The following RBFOX1 variants were observed in gnomAD, a reference collection of about 807,000 sequenced individuals.
RBFOX1 encodes the protein RNA binding protein fox-1 homolog 1.
Under a neutral mutation model 57.7 loss-of-function variants are expected in RBFOX1, and 8 were observed. That is an observed-to-expected ratio of 0.14 (90% CI 0.08 to 0.25). RBFOX1 has a LOEUF of 0.25. Among genes scored for constraint, RBFOX1 ranks in the 10% least tolerant of loss-of-function variants. The pLI is 1.00. For synonymous variants in RBFOX1, 326 were observed against 222.4 expected, an observed-to-expected ratio of 1.47 and a Z score of -4.15; for missense variants, 611 against 548.5, an observed-to-expected ratio of 1.11 and a Z score of -1.14.
At chr16:6,740,795 C>G (rs184638191) in intron 3 of RBFOX1, among the ~76,000 whole-genome samples, 2 of 152,240 alleles carry the variant, frequency 1.3e-5, no homozygotes, top group African/African-American at 2.4e-5. Context: ...CATTTCTGCT[C>G]AAATTGATAC....
intron 3 of RBFOX1, among the ~76,000 whole-genome samples, chr16:5,851,866 C>G (rs990129577): frequency 6.6e-6 from 1 of 152,152 alleles, no homozygotes; most frequent in African/African-American, 2.4e-5. Context: ...AGGACGATGT[C>G]TTGGCCAGGT....
chr16:6,937,287 T>G (rs771431315), intron 3 of RBFOX1, among the ~76,000 whole-genome samples: 1 of 152,168 alleles, frequency 6.6e-6, no homozygotes, highest in Admixed American at 6.5e-5. Context: ...CAACACTGTT[T>G]CCTTTTTACC....
intron 2 of RBFOX1, among the ~76,000 whole-genome samples, chr16:6,502,984 C>A (rs2095981850): frequency 6.6e-6 from 1 of 151,930 alleles, no homozygotes. Flanking sequence ...ATCGACTCAG[C>A]TGAGATATTA....
chr16:7,423,347 T>C (rs2098563284), intron 4 of RBFOX1, among the ~76,000 whole-genome samples: 1 of 151,728 alleles, frequency 6.6e-6, no homozygotes, highest in South Asian at 2.1e-4. Context: ...TGCAAAAATA[T>C]AAAAAGTTGT....
intron 3 of RBFOX1, among the ~76,000 whole-genome samples, chr16:6,976,823 A>G (rs906298962): frequency 6.8e-6 from 1 of 146,764 alleles, no homozygotes; most frequent in African/African-American, 2.5e-5. Context: ...GATCTAGATC[A>G]TATATAATGT....
chr16:7,014,971 G>A (rs1367679852), intron 3 of RBFOX1, among the ~76,000 whole-genome samples: 6 of 152,190 alleles, frequency 3.9e-5, no homozygotes, highest in East Asian at 1.9e-4. Context: ...TGATATACCC[G>A]CCTGGACCTC....
chr16:7,010,790 C>A (rs979900789), intron 3 of RBFOX1, among the ~76,000 whole-genome samples: 7 of 152,116 alleles, frequency 4.6e-5, no homozygotes, highest in African/African-American at 1.7e-4. Context: ...GTCTCAAACT[C>A]CTGGCCTCAA....
At chr16:7,016,706 C>T (rs1279533142) in intron 3 of RBFOX1, among the ~76,000 whole-genome samples, 7 of 152,158 alleles carry the variant, frequency 4.6e-5, no homozygotes, top group Admixed American at 6.5e-5. Flanking sequence ...TGCCTATTCC[C>T]GTATTTTTCT....
At chr16:6,555,886 T>C (rs560660602) in intron 2 of RBFOX1, among the ~76,000 whole-genome samples, 5 of 152,294 alleles carry the variant, frequency 3.3e-5, no homozygotes, top group African/African-American at 9.6e-5. Context: ...TCAATTCTCA[T>C]TAAATATTGG....
intron 12 of RBFOX1, among the ~76,000 whole-genome samples, chr16:7,662,453 T>G (rs745765254): frequency 6.6e-6 from 1 of 152,152 alleles, no homozygotes; most frequent in Non-Finnish European, 1.5e-5. Flanking sequence ...TGACTCAATC[T>G]CCTTCTGACG....
At chr16:5,395,594 G>A (rs1273594853) in intron 1 of RBFOX1, among the ~76,000 whole-genome samples, 1 of 152,146 alleles carries the variant, frequency 6.6e-6, no homozygotes, top group Admixed American at 6.5e-5. Context: ...CGTTCAGGTG[G>A]TCCTTAGGAT....
chr16:5,448,778 G>A (rs1346269132), intron 1 of RBFOX1, among the ~76,000 whole-genome samples: 1 of 152,188 alleles, frequency 6.6e-6, no homozygotes, highest in East Asian at 1.9e-4. Context: ...AGTTTTTTGA[G>A]CACAAATTCG....
At chr16:7,169,246 C>T (rs955354068) in intron 4 of RBFOX1, among the ~76,000 whole-genome samples, 1 of 152,146 alleles carries the variant, frequency 6.6e-6, no homozygotes, top group African/African-American at 2.4e-5. Context: ...ATCATAATAA[C>T]ATATTATTAT....
At chr16:6,884,355 C>T (rs1455349883) in intron 3 of RBFOX1, among the ~76,000 whole-genome samples, 4 of 152,204 alleles carry the variant, frequency 2.6e-5, no homozygotes, top group Non-Finnish European at 4.4e-5. Flanking sequence ...CTTCCAAAGT[C>T]ACTTGACAAC....
At chr16:6,279,630 G>A (rs1262359432) in intron 1 of RBFOX1, among the ~76,000 whole-genome samples, 1 of 152,174 alleles carries the variant, frequency 6.6e-6, no homozygotes, top group Non-Finnish European at 1.5e-5. Context: ...CCATATGGAA[G>A]ATTATTAGGG....
chr16:6,244,283 G>A (rs1292954152), intron 1 of RBFOX1, among the ~76,000 whole-genome samples: 5 of 151,620 alleles, frequency 3.3e-5, no homozygotes, highest in Admixed American at 1.3e-4. Context: ...TGAAATCCAC[G>A]TGTTTTTGTT....
chr16:6,935,339 G>C (rs1449858546), intron 3 of RBFOX1, among the ~76,000 whole-genome samples: 1 of 152,114 alleles, frequency 6.6e-6, no homozygotes, highest in Non-Finnish European at 1.5e-5. Context: ...TCATAAAGTA[G>C]AGCCTCATCT....
chr16:7,124,130 G>A (rs1344068623), intron 4 of RBFOX1, among the ~76,000 whole-genome samples: 1 of 152,132 alleles, frequency 6.6e-6, no homozygotes, highest in Admixed American at 6.5e-5. Context: ...AGTTTTCAAC[G>A]AACTTGTACA....
rs116470696 is a variant in RBFOX1, at chr16:6,417,017, T to G, written c.-64+99960T>G. Among the ~76,000 whole-genome samples, 1,486 of 152,234 alleles carry G rather than the reference T, an allele frequency of 9.8e-3. 26 individuals are homozygous for G. The highest frequency in any genetic ancestry group is 0.033 in the African/African-American group (1,381 of 41,544). On this transcript the variant is annotated intron_variant, in intron 2 of 15. Coordinates refer to ENST00000550418, the MANE Select transcript of RBFOX1 (RefSeq NM_018723.4). ...TGTGCAGATCATTCCTCTTTCTTTC[T>G]TTTTATTTTTTTGAGACAGAGTCTC...
Sources: gnomAD v4.1 joint callset for allele counts (sites outside exome capture counted in the v4.1 genomes callset) on GRCh38, gnomAD v4.1.1 for gene constraint, MANE v1.5 for transcripts, NCBI Gene and HGNC (gene_info 2026-07-23, HGNC 2026-07-21) for gene names.